The following RLF variants were observed in gnomAD, a reference collection of about 807,000 sequenced individuals.
RLF encodes RLF zinc finger.
In RLF, 7 loss-of-function variants were observed where a neutral mutation model predicts 162.9. The ratio of observed to expected loss-of-function variants is 0.04; its 90% CI spans 0.02 to 0.08. The LOEUF is 0.08. RLF is among the 10% of genes least tolerant of loss of function. RLF has a pLI of 1.00. For missense variants in RLF, 1,664 were observed against 2,244.7 expected, an observed-to-expected ratio of 0.74 and a Z score of 5.23; for synonymous variants, 782 against 791.5, an observed-to-expected ratio of 0.99 and a Z score of 0.20.
chr1:40,236,363 A>C lies in RLF; in HGVS notation c.1661A>C (p.Lys554Thr). The C allele has an allele frequency of 6.2e-7, 1 of 1,614,044 alleles. No individual in the cohort carries two copies. Among genetic ancestry groups the C allele is most frequent in the Non-Finnish European group, 8.5e-7 (1 of 1,179,992 alleles). ...AGATATCAGAGGTGGCTTCAGTACAAGTTTTTCTGTTTGTTATGTAAGCGG... is the reference window on the plus strand; with the variant it reads ...AGATATCAGAGGTGGCTTCAGTACACGTTTTTCTGTTTGTTATGTAAGCGG... ...SERYQRWLQY[K>T]FFCLLCKREC... Residue 554 changes from lysine (K) to threonine (T), a missense_variant, in exon 8 of 8, where the codon AAG becomes ACG. By Grantham distance (78) the Lys-to-Thr change is moderately conservative. Around this residue, in one of 15 missense-constraint regions of RLF, gnomAD observed 31 missense variants for 80.5 expected, o/e 0.39. Coordinates refer to ENST00000372771, the MANE Select transcript of RLF (RefSeq NM_012421.4). The surrounding 1 kb of genome is among the most constrained non-coding windows in gnomAD (Gnocchi z 7.7).
At chr1:40,174,084 G>A (rs1226482826) in intron 1 of RLF, among the ~76,000 whole-genome samples, 3 of 152,124 alleles carry the variant, frequency 2.0e-5, no homozygotes, top group African/African-American at 7.2e-5. Context: ...AAAAAATGTT[G>A]TGACCTGGCC....
chr1:40,214,294 T>C (rs1642896897), intron 5 of RLF, among the ~76,000 whole-genome samples: 1 of 152,152 alleles, frequency 6.6e-6, no homozygotes. Flanking sequence ...AGAGTTCTAA[T>C]CACCATTTGA....
chr1:40,225,231 G>A (rs1643053169), intron 6 of RLF, among the ~76,000 whole-genome samples: 1 of 152,098 alleles, frequency 6.6e-6, no homozygotes, highest in South Asian at 2.1e-4. Flanking sequence ...TTTATGTCTT[G>A]GGAGTATCAT....
chr1:40,237,470 A>G lies in RLF; in HGVS notation c.2768A>G (p.Gln923Arg), dbSNP rs2124562751. 1 of 1,614,068 alleles carries G rather than the reference A, an allele frequency of 6.2e-7. No homozygotes were observed. The highest frequency in any genetic ancestry group is 8.5e-7 in the Non-Finnish European group (1 of 1,179,998). Residue 923 changes from glutamine to arginine, a missense_variant, in exon 8 of 8, where the codon CAG becomes CGG. Physicochemically the swap from Gln to Arg is conservative, Grantham distance 43. Transcript: ENST00000372771. This position sits in a 1 kb window ranked among gnomAD's most constrained non-coding sequence, Gnocchi z 4.4. ...ACACTAGATCACTCTGAAACTATGCAGGATGTATTGTTATCTAATGAGAAA... is the reference window on the plus strand; with the variant it reads ...ACACTAGATCACTCTGAAACTATGCGGGATGTATTGTTATCTAATGAGAAA... Reference protein sequence around the residue: ...IDTLDHSETMQDVLLSNEKVF... With the variant: ...IDTLDHSETMRDVLLSNEKVF...
intron 5 of RLF, among the ~76,000 whole-genome samples, chr1:40,217,413 G>C (rs1642938183): frequency 6.6e-6 from 1 of 152,114 alleles, no homozygotes; most frequent in Non-Finnish European, 1.5e-5. Context: ...CGAGGCTGCA[G>C]TGAGCTGCCA....
intron 4 of RLF, among the ~76,000 whole-genome samples, chr1:40,199,177 G>C (rs565527487): frequency 6.6e-6 from 1 of 152,176 alleles, no homozygotes; most frequent in Non-Finnish European, 1.5e-5. Context: ...GTGAGGTGAC[G>C]TTAAAATGTT....
intron 2 of RLF, among the ~76,000 whole-genome samples, chr1:40,189,420 G>T (rs538834659): frequency 6.6e-6 from 1 of 152,204 alleles, no homozygotes; most frequent in African/African-American, 2.4e-5. Context: ...TGCCTCTAGA[G>T]TCTCTTTTCC....
intron 1 of RLF, among the ~76,000 whole-genome samples, chr1:40,167,847 G>C (rs943160912): frequency 6.6e-6 from 1 of 151,350 alleles, no homozygotes; most frequent in African/African-American, 2.4e-5. Flanking sequence ...TGTTGATCTT[G>C]ATCTCCTCCC....
chr1:40,162,994 A>G (rs574456279), intron 1 of RLF, among the ~76,000 whole-genome samples: 3 of 152,270 alleles, frequency 2.0e-5, no homozygotes, highest in East Asian at 3.9e-4. Context: ...AGTTGGTGGG[A>G]GGTGGTAGGA....
At chr1:40,225,022 C>T (rs1643050017) in intron 6 of RLF, among the ~76,000 whole-genome samples, 1 of 151,934 alleles carries the variant, frequency 6.6e-6, no homozygotes, top group South Asian at 2.1e-4. Flanking sequence ...GAAAATTAAT[C>T]ACAGGAATTC....
intron 5 of RLF, among the ~76,000 whole-genome samples, chr1:40,215,570 T>G (rs1259389948): frequency 1.3e-5 from 2 of 151,704 alleles, no homozygotes; most frequent in Non-Finnish European, 2.9e-5. Flanking sequence ...AGAGAGTAAG[T>G]TTTTGTTGTA....
intron 1 of RLF, among the ~76,000 whole-genome samples, chr1:40,183,742 A>G (rs866818438): frequency 2.1e-5 from 3 of 141,540 alleles, no homozygotes; most frequent in Non-Finnish European, 3.1e-5. Flanking sequence ...TTCCTCATTT[A>G]AAAAAAAAAA....
chr1:40,163,416 A>C (rs142351276), intron 1 of RLF, among the ~76,000 whole-genome samples: 37 of 152,262 alleles, frequency 2.4e-4, no homozygotes, highest in African/African-American at 8.4e-4. Flanking sequence ...AATGAATGTA[A>C]CCAGTCACAT....
At chr1:40,229,501 C>T (rs1368280136) in intron 6 of RLF, among the ~76,000 whole-genome samples, 1 of 127,912 alleles carries the variant, frequency 7.8e-6, no homozygotes, top group Non-Finnish European at 1.5e-5. Flanking sequence ...GTCACCCAGG[C>T]TGGAGCGCAG....
intron 3 of RLF, 142 bp downstream of exon 3, chr1:40,190,995 T>G: frequency 2.2e-6 from 1 of 459,556 alleles, no homozygotes; most frequent in Non-Finnish European, 3.9e-6. Context: ...AAAAGGCCCT[T>G]CACATGAAGG....
intron 5 of RLF, among the ~76,000 whole-genome samples, chr1:40,216,487 TA>T (rs59858431): frequency 0.048 from 6,209 of 128,768 alleles, 167 homozygotes; most frequent in South Asian, 0.1. Flanking sequence ...AAACTCTGTC[TA>T]AAAAAAAAAA....
At chr1:40,208,089 C>G (rs1281177279) in intron 5 of RLF, among the ~76,000 whole-genome samples, 1 of 152,186 alleles carries the variant, frequency 6.6e-6, no homozygotes, top group East Asian at 1.9e-4. Flanking sequence ...TAGCAACATT[C>G]CACTTGGAAG....
rs1642086178 is a variant in RLF at position 40,161,635 on chromosome 1, A to T, written c.236A>T (p.Gln79Leu). 2 of 1,611,364 alleles carry T rather than the reference A, an allele frequency of 1.2e-6. No individual in the cohort carries two copies. The highest frequency in any genetic ancestry group is 1.7e-6 in the Non-Finnish European group (2 of 1,179,102). Residue 79 changes from glutamine (Q) to leucine (L), a missense_variant and splice_region_variant, in exon 1 of 8, where the codon CAG becomes CTG. Gln to Leu is a moderately radical substitution (Grantham distance 113, BLOSUM62 -2). Transcript: ENST00000372771. This position sits in a 1 kb window ranked among gnomAD's most constrained non-coding sequence, Gnocchi z 4.4. ...SSLNYCRSFC[Q>L]TLLQYASNKN... Reference sequence around the variant, plus strand: ...TTGAACTACTGCCGGAGCTTCTGCCAGGTGAGGGGCTGACTGGCTGGCTGA... The same window carrying T: ...TTGAACTACTGCCGGAGCTTCTGCCTGGTGAGGGGCTGACTGGCTGGCTGA...
At chr1:40,180,107 T>C (rs561673461) in intron 1 of RLF, among the ~76,000 whole-genome samples, 158 of 152,324 alleles carry the variant, frequency 1.0e-3, no homozygotes, top group Non-Finnish European at 1.6e-3. Context: ...TACACTGAAA[T>C]GAAATTGTTG....
Sources: allele counts gnomAD v4.1 joint callset (sites outside exome capture counted in the v4.1 genomes callset), GRCh38; gene constraint gnomAD v4.1.1; regional missense constraint gnomAD v4.1.1; non-coding constraint Gnocchi (gnomAD v3.1); transcripts MANE v1.5; gene names NCBI Gene and HGNC (gene_info 2026-07-23, HGNC 2026-07-21).